BICDL1: variants seen among roughly 807,000 people sequenced by gnomAD.
BICDL1 encodes the protein BICD family like cargo adaptor 1, also known as BICD family-like cargo adapter 1.
BICDL1 carries 20 observed loss-of-function variants against 76.8 expected under a neutral mutation model. That is an observed-to-expected ratio of 0.26 (90% CI 0.18 to 0.38). The LOEUF (loss-of-function observed/expected upper bound fraction) is 0.38. Ranked by LOEUF, BICDL1 falls within the 10% of genes least tolerant of loss-of-function variation. BICDL1 has a pLI of 1.00. For synonymous variants in BICDL1, 383 were observed against 337.1 expected (o/e 1.14, Z -1.49); for missense variants, 700 against 798.6 (o/e 0.88, Z 1.49).
At chr12:120,072,380 CAG>C (rs1873174390) in intron 5 of BICDL1, 129 bp from the exon 6 acceptor site, 3 of 775,362 alleles carry the variant, frequency 3.9e-6, no homozygotes, top group African/African-American at 1.8e-5. Flanking sequence ...AAAAAAAACA[CAG>C]AACAAAAAAC....
chr12:120,022,888 G>A (rs1397924237), intron 2 of BICDL1, among the ~76,000 whole-genome samples: 1 of 152,212 alleles, frequency 6.6e-6, no homozygotes, highest in Non-Finnish European at 1.5e-5. Context: ...TCATAGGAGG[G>A]AGTAGCAGAA....
intron 2 of BICDL1, among the ~76,000 whole-genome samples, chr12:120,048,250 G>A (rs978013104): frequency 6.6e-6 from 1 of 151,918 alleles, no homozygotes; most frequent in Non-Finnish European, 1.5e-5. Flanking sequence ...GCTATTTGCA[G>A]GCACGATCAT....
At chr12:120,086,338 A>C (rs1439313914) in intron 8 of BICDL1, among the ~76,000 whole-genome samples, 3 of 151,952 alleles carry the variant, frequency 2.0e-5, no homozygotes, top group African/African-American at 7.3e-5. Context: ...AGGAAACCAC[A>C]CCCCCCATTT....
intron 8 of BICDL1, among the ~76,000 whole-genome samples, chr12:120,087,932 T>TG (rs1490196882): frequency 6.6e-6 from 1 of 152,132 alleles, no homozygotes; most frequent in African/African-American, 2.4e-5. Context: ...CACAGGCAGT[T>TG]TTTTGTTTTG....
chr12:120,008,359 G>A (rs930254249), intron 2 of BICDL1, among the ~76,000 whole-genome samples: 9 of 151,918 alleles, frequency 5.9e-5, no homozygotes, highest in African/African-American at 1.7e-4. Context: ...GAGTTTCACC[G>A]TGCTGCCCGG....
chr12:120,020,490 A>G (rs557511977), intron 2 of BICDL1, among the ~76,000 whole-genome samples: 1 of 152,344 alleles, frequency 6.6e-6, no homozygotes, highest in South Asian at 2.1e-4. Flanking sequence ...AAATATTGAT[A>G]AAAAGAAAAA....
intron 2 of BICDL1, among the ~76,000 whole-genome samples, chr12:120,045,555 G>A (rs1414472310): frequency 6.6e-6 from 1 of 152,052 alleles, no homozygotes; most frequent in Non-Finnish European, 1.5e-5. Context: ...TTAAGAAAAT[G>A]TGGCACATAT....
intron 2 of BICDL1, among the ~76,000 whole-genome samples, chr12:120,005,779 C>T (rs1236847639): frequency 6.6e-6 from 1 of 152,096 alleles, no homozygotes; most frequent in East Asian, 1.9e-4. Flanking sequence ...TTCCATATAG[C>T]ACATATGGAG....
At position 119,998,700 on chromosome 12, in the gene BICDL1, G is replaced by T. The variant is rs748129703; in HGVS notation, c.609G>T (p.Ser203=). 6.8e-6 allele frequency: 11 copies of T among 1,614,056 alleles called. No individual in the cohort carries two copies. In the Admixed American group the frequency reaches 1.5e-4, roughly 22 times the overall value. ...REKSRAVQEL[S]EQNQRLLDQL... ...AATCACGGGCTGTCCAGGAACTGTC[G>T]GAACAGAACCAAAGGCTATTGGATC... Residue 203 remains serine (S), a synonymous_variant, in exon 2 of 10, where the codon TCG becomes TCT. Coordinates refer to ENST00000548673, the MANE Select transcript of BICDL1 (RefSeq NM_001367886.1).
rs1875018204 is a variant in BICDL1, at chr12:120,092,052, A to G, written c.1705-948A>G. ...TTCAAGTCATGAAGGAATCGAGCAG[A>G]CACATGTTACATTTACTGATGATGC... On this transcript the variant is annotated intron_variant, in intron 9 of 9. Transcript: ENST00000548673. 3.0e-6 allele frequency: 3 copies of G among 985,376 alleles called. No individual in the cohort carries two copies. In the South Asian group the frequency reaches 1.4e-4, roughly 46 times the overall value. The allele number at this position is 985,376 out of a possible 1,614,324, so 61.0% of individuals were successfully genotyped here.
In BICDL1 at chr12:119,990,129, C is replaced by T; in HGVS notation, c.261C>T (p.Ala87=). 1 of 1,550,018 alleles carries T rather than the reference C, an allele frequency of 6.5e-7. No homozygotes were observed. The highest frequency in any genetic ancestry group is 8.7e-7 in the Non-Finnish European group (1 of 1,147,044). The change falls in exon 1 of 10, where the codon GCC becomes GCT. Residue 87 remains alanine, a synonymous_variant. Transcript: ENST00000548673. ...AGCCTGGGTCTCTGGCCGAGGGGGC[C>T]GGACCGCAGCCGCCGCCCTCCCAGG... ...QAEPGSLAEG[A]GPQPPPSQDP...
chr12:120,000,131 G>A (rs577190454), intron 2 of BICDL1: 3 of 157,006 alleles, frequency 1.9e-5, no homozygotes, highest in African/African-American at 7.2e-5. Flanking sequence ...GGAGAAGAAG[G>A]AAAGGTAGAG....
At chr12:120,073,398 C>T (rs1441662969) in intron 6 of BICDL1, among the ~76,000 whole-genome samples, 1 of 152,142 alleles carries the variant, frequency 6.6e-6, no homozygotes, top group Non-Finnish European at 1.5e-5. Flanking sequence ...ATTCTATAGC[C>T]CTTTGGTCCT....
intron 2 of BICDL1, among the ~76,000 whole-genome samples, chr12:120,031,022 A>G (rs1179424850): frequency 6.6e-6 from 1 of 152,160 alleles, no homozygotes. Flanking sequence ...CATAAATTCA[A>G]CCAACAATTA....
chr12:120,011,754 A>G (rs1195235206), intron 2 of BICDL1, among the ~76,000 whole-genome samples: 1 of 150,958 alleles, frequency 6.6e-6, no homozygotes, highest in East Asian at 2.0e-4. Context: ...GCTTTACATA[A>G]TAGAGGTTTT....
chr12:120,085,698 G>A (rs552977002), intron 8 of BICDL1, among the ~76,000 whole-genome samples: 9 of 150,810 alleles, frequency 6.0e-5, no homozygotes, highest in African/African-American at 1.7e-4. Context: ...TCTTGGAGTC[G>A]CAGAGGTGGG....
chr12:120,056,991 G>T, intron 2 of BICDL1: 3 of 483,500 alleles, frequency 6.2e-6, no homozygotes, highest in Non-Finnish European at 1.2e-5. Flanking sequence ...TTGGATAGGA[G>T]CCCAGTGGTC....
chr12:119,994,064 C>G (rs1398413865), intron 1 of BICDL1, among the ~76,000 whole-genome samples: 7 of 152,090 alleles, frequency 4.6e-5, no homozygotes, highest in Admixed American at 4.6e-4. Context: ...CACCTTTTTT[C>G]TTCAGGAATT....
intron 2 of BICDL1, among the ~76,000 whole-genome samples, chr12:120,058,630 G>T (rs1594180108): frequency 6.7e-6 from 1 of 150,304 alleles, no homozygotes; most frequent in African/African-American, 2.5e-5. Context: ...TTGCCCTGTG[G>T]CCCAGGCTGG....
Sources: gnomAD v4.1 joint callset for allele counts (sites outside exome capture counted in the v4.1 genomes callset) on GRCh38, gnomAD v4.1.1 for gene constraint, MANE v1.5 for transcripts, NCBI Gene and HGNC (gene_info 2026-07-23, HGNC 2026-07-21) for gene names.